The following REC114 variants were observed in gnomAD, a reference collection of about 807,000 sequenced individuals.
REC114 encodes the protein REC114 meiotic recombination protein, also known as meiotic recombination protein REC114.
In REC114, 27 loss-of-function variants were observed where a neutral mutation model predicts 31.3. That is an observed-to-expected ratio of 0.86 (90% CI 0.64 to 1.19). REC114 has a LOEUF of 1.19. REC114 is among the 50% of genes most tolerant of loss of function. The pLI is 0.00. For missense variants in REC114, 344 were observed against 326.9 expected (o/e 1.05, Z -0.40); for synonymous variants, 134 against 127.7 (o/e 1.05, Z -0.33).
intron 2 of REC114, among the ~76,000 whole-genome samples, chr15:73,518,436 C>A (rs191784098): frequency 6.6e-6 from 1 of 152,348 alleles, no homozygotes; most frequent in African/African-American, 2.4e-5. Flanking sequence ...CTGATCCTTA[C>A]AATAAATAAC....
At chr15:73,551,597 C>T (rs970683085) in intron 4 of REC114, among the ~76,000 whole-genome samples, 2 of 152,254 alleles carry the variant, frequency 1.3e-5, no homozygotes, top group Non-Finnish European at 2.9e-5. Context: ...TCCAATCATT[C>T]GCAGTAAGAA....
intron 2 of REC114, among the ~76,000 whole-genome samples, chr15:73,511,120 C>T (rs1257602236): frequency 2.0e-5 from 3 of 151,902 alleles, no homozygotes; most frequent in Non-Finnish European, 4.4e-5. Context: ...ACAATTTCAG[C>T]TCCTGTTATT....
intron 2 of REC114, among the ~76,000 whole-genome samples, chr15:73,494,363 G>A (rs774907498): frequency 5.9e-5 from 9 of 151,786 alleles, no homozygotes; most frequent in Non-Finnish European, 1.0e-4. Flanking sequence ...GTGGTAGCAC[G>A]CACCTGTAGT....
intron 1 of REC114, among the ~76,000 whole-genome samples, chr15:73,463,042 A>C (rs1476567908): frequency 6.6e-6 from 1 of 152,156 alleles, no homozygotes; most frequent in Admixed American, 6.5e-5. Flanking sequence ...AAGAAAAAGG[A>C]CTTTAAAAAA....
chr15:73,554,264 T>G (rs1181058785), intron 4 of REC114, among the ~76,000 whole-genome samples: 5 of 152,192 alleles, frequency 3.3e-5, no homozygotes, highest in Non-Finnish European at 7.3e-5. Context: ...GTTTTCCTAA[T>G]GGCAAAACAT....
intron 2 of REC114, among the ~76,000 whole-genome samples, chr15:73,531,246 ACAGACT>A (rs1894077300): frequency 6.6e-6 from 1 of 152,122 alleles, no homozygotes; most frequent in African/African-American, 2.4e-5. Context: ...AGCAAGGGAA[ACAGACT>A]CAGTAGGGTT....
intron 3 of REC114, 150 bp from the exon 4 acceptor site, chr15:73,550,787 CT>C (rs1894376081): frequency 4.3e-6 from 3 of 690,922 alleles, no homozygotes; most frequent in Non-Finnish European, 7.2e-6. Flanking sequence ...GAATTATTGG[CT>C]TTTCTATGCC....
At chr15:73,530,355 T>A (rs532644593) in intron 2 of REC114, among the ~76,000 whole-genome samples, 24 of 152,340 alleles carry the variant, frequency 1.6e-4, no homozygotes, top group African/African-American at 5.5e-4. Context: ...AACAACTGGT[T>A]ATGATTATTG....
At chr15:73,548,158 G>GAC (rs1284117913) in intron 3 of REC114, among the ~76,000 whole-genome samples, 1 of 152,104 alleles carries the variant, frequency 6.6e-6, no homozygotes, top group African/African-American at 2.4e-5. Context: ...TGCCAGGCTG[G>GAC]AGTGCAGTGG....
chr15:73,501,431 T>G (rs1384431053), intron 2 of REC114, among the ~76,000 whole-genome samples: 1 of 152,100 alleles, frequency 6.6e-6, no homozygotes, highest in Non-Finnish European at 1.5e-5. Context: ...CCTTTTCCAG[T>G]TTTATCAGCA....
intron 1 of REC114, among the ~76,000 whole-genome samples, chr15:73,466,981 T>A (rs1205899106): frequency 6.6e-6 from 1 of 152,178 alleles, no homozygotes; most frequent in Non-Finnish European, 1.5e-5. Context: ...AAGGGTTGGA[T>A]TAAGAACTTC....
chr15:73,481,681 C>T (rs1255211552), intron 2 of REC114, among the ~76,000 whole-genome samples: 2 of 91,008 alleles, frequency 2.2e-5, no homozygotes, highest in Admixed American at 3.4e-4. Flanking sequence ...TTTTTTGAGG[C>T]GGAGTCTCAC....
intron 2 of REC114, among the ~76,000 whole-genome samples, chr15:73,500,663 A>G (rs1173747030): frequency 6.6e-6 from 1 of 151,608 alleles, no homozygotes; most frequent in East Asian, 1.9e-4. Flanking sequence ...ACTTTGCTGT[A>G]TATAAGTTAC....
At chr15:73,491,219 T>C (rs1893437272) in intron 2 of REC114, among the ~76,000 whole-genome samples, 1 of 152,242 alleles carries the variant, frequency 6.6e-6, no homozygotes, top group South Asian at 2.1e-4. Context: ...TAATTTTGTG[T>C]ATTATCTTTG....
At chr15:73,467,450 C>G (rs772874553) in intron 1 of REC114, among the ~76,000 whole-genome samples, 1 of 152,204 alleles carries the variant, frequency 6.6e-6, no homozygotes. Flanking sequence ...TCTGCATCAC[C>G]ATTTCACACT....
chr15:73,536,705 A>G (rs1455417041), intron 2 of REC114, among the ~76,000 whole-genome samples: 1 of 152,170 alleles, frequency 6.6e-6, no homozygotes, highest in African/African-American at 2.4e-5. Context: ...TCTTTACTAA[A>G]TCTCAGCATT....
chr15:73,517,529 A>G (rs1893876234), intron 2 of REC114, among the ~76,000 whole-genome samples: 1 of 152,204 alleles, frequency 6.6e-6, no homozygotes, highest in Admixed American at 6.5e-5. Flanking sequence ...AGGGGGGGAA[A>G]GAGAAGTGAA....
intron 5 of REC114, among the ~76,000 whole-genome samples, chr15:73,558,457 C>T (rs1894508737): frequency 6.6e-6 from 1 of 152,166 alleles, no homozygotes; most frequent in African/African-American, 2.4e-5. Context: ...TATTTGAACT[C>T]TCCTAATATT....
chr15:73,514,068 C>T (rs1441532572), intron 2 of REC114, among the ~76,000 whole-genome samples: 9 of 152,152 alleles, frequency 5.9e-5, no homozygotes, highest in Admixed American at 5.2e-4. Context: ...GCAGTTTGAT[C>T]TCAGACTGCT....
Sources: allele counts gnomAD v4.1 joint callset (sites outside exome capture counted in the v4.1 genomes callset), GRCh38; gene constraint gnomAD v4.1.1; transcripts MANE v1.5; gene names NCBI Gene and HGNC (gene_info 2026-07-23, HGNC 2026-07-21).